Variants in CFAP44 observed in about 807,000 individuals in gnomAD.
The protein encoded by CFAP44 is cilia- and flagella-associated protein 44.
Under a neutral mutation model 216.2 loss-of-function variants are expected in CFAP44, and 134 were observed. The ratio of observed to expected loss-of-function variants is 0.62; its 90% CI spans 0.54 to 0.72. The LOEUF is 0.72. CFAP44 is among the 30% of genes least tolerant of loss of function. The pLI is 0.00. For missense variants in CFAP44, 2,035 were observed against 2,182.1 expected (o/e 0.93, Z 1.34); for synonymous variants, 700 against 727.6 (o/e 0.96, Z 0.61).
chr3:113,309,309 GAGA>G (rs1950015749), intron 28 of CFAP44, among the ~76,000 whole-genome samples: 1 of 152,112 alleles, frequency 6.6e-6, no homozygotes, highest in Admixed American at 6.5e-5. Flanking sequence ...AAACAGTCTA[GAGA>G]AGAATTACCC....
intron 6 of CFAP44, among the ~76,000 whole-genome samples, chr3:113,414,726 G>T (rs549501676): frequency 7.9e-4 from 121 of 152,278 alleles, no homozygotes; most frequent in African/African-American, 2.8e-3. Flanking sequence ...GATCATGGTG[G>T]ATACGTTTTT....
At chr3:113,411,505 A>G (rs1254707111) in intron 6 of CFAP44, among the ~76,000 whole-genome samples, 4 of 152,116 alleles carry the variant, frequency 2.6e-5, no homozygotes, top group South Asian at 2.1e-4. Context: ...ATTGGTCTAT[A>G]TATCTGTTTT....
chr3:113,327,822 G>T lies in CFAP44; in HGVS notation c.4117-3C>A. The T allele has an allele frequency of 6.5e-7, 1 of 1,535,896 alleles. No individual in the cohort carries two copies. Among genetic ancestry groups the T allele is most frequent in the Non-Finnish European group, 8.7e-7 (1 of 1,146,368 alleles). On this transcript the variant is annotated splice_polypyrimidine_tract_variant and splice_region_variant and intron_variant, in intron 26 of 34. Transcript: ENST00000393845. ...AAAGTGACAACCAGTTCTTTGATCT[G>T]AGATGGAAAAAATATTTGCGGATAC... is the stretch of plus-strand genomic sequence containing the variant.
intron 6 of CFAP44, among the ~76,000 whole-genome samples, chr3:113,413,734 C>A (rs541744875): frequency 3.3e-5 from 5 of 152,234 alleles, no homozygotes; most frequent in Admixed American, 6.5e-5. Context: ...TGTTTTGGTA[C>A]CAGTACCATG....
At chr3:113,374,671 G>A (rs1319337229) in intron 17 of CFAP44, among the ~76,000 whole-genome samples, 1 of 152,152 alleles carries the variant, frequency 6.6e-6, no homozygotes, top group Non-Finnish European at 1.5e-5. Flanking sequence ...GTCTTACTCT[G>A]TCACCCAGGC....
intron 2 of CFAP44, chr3:113,427,668 C>T (rs1388390417): frequency 5.0e-6 from 1 of 199,268 alleles, no homozygotes; most frequent in Non-Finnish European, 9.9e-6. Flanking sequence ...TTATAGGGAA[C>T]CTGTTACGTT....
chr3:113,395,874 G>C lies in CFAP44; in HGVS notation c.1780-14C>G, dbSNP rs982518256. The C allele has an allele frequency of 6.9e-6, 11 of 1,582,736 alleles. No individual in the cohort carries two copies. In the Admixed American group the frequency reaches 1.2e-4, roughly 17 times the overall value. On this transcript the variant is annotated splice_polypyrimidine_tract_variant and intron_variant, in intron 14 of 34. Transcript: ENST00000393845. The stretch of plus-strand genomic sequence containing the variant: ...TTGATCTTTACTCTAAGGAAAAAGA[G>C]ACACACCGACGAAATATATATTACT...
rs146120998 is a variant in CFAP44 at position 113,307,556 on chromosome 3, C to G, written c.4627+602G>C. The stretch of plus-strand genomic sequence containing the variant: ...TTAATTGACTTCTTATATTTATTGT[C>G]TTTCTCCACTAGACTATAAGCTCCA... On this transcript the variant is annotated intron_variant, in intron 29 of 34. Transcript: ENST00000393845. Among the ~76,000 whole-genome samples the G allele has an allele frequency of 1.6e-4, 24 of 152,318 alleles. No homozygotes were observed. In the East Asian group the frequency reaches 4.4e-3, roughly 28 times the overall value.
chr3:113,300,735 A>T (rs973745356), intron 32 of CFAP44, among the ~76,000 whole-genome samples: 3 of 152,080 alleles, frequency 2.0e-5, no homozygotes, highest in African/African-American at 7.2e-5. Flanking sequence ...TAAAGGCCCA[A>T]AGACATATAA....
At chr3:113,329,164 A>AT (rs750351856) in intron 26 of CFAP44, among the ~76,000 whole-genome samples, 2 of 152,238 alleles carry the variant, frequency 1.3e-5, no homozygotes, top group Non-Finnish European at 2.9e-5. Context: ...GACAATACTA[A>AT]TACCCATGAA....
chr3:113,431,064 T>C (rs137868746), intron 2 of CFAP44, among the ~76,000 whole-genome samples: 2 of 152,202 alleles, frequency 1.3e-5, no homozygotes, highest in African/African-American at 2.4e-5. Context: ...CAAGGACTTT[T>C]ATTCATTCTA....
chr3:113,310,313 A>G (rs534791060), intron 28 of CFAP44, among the ~76,000 whole-genome samples: 1 of 152,354 alleles, frequency 6.6e-6, no homozygotes, highest in East Asian at 1.9e-4. Flanking sequence ...ATCATTATCC[A>G]TAAGTACTTG....
intron 24 of CFAP44, among the ~76,000 whole-genome samples, chr3:113,338,867 G>A (rs1950305434): frequency 6.6e-6 from 1 of 152,156 alleles, no homozygotes; most frequent in Non-Finnish European, 1.5e-5. Context: ...GGCTGAAGCT[G>A]GATAAGGAGG....
At chr3:113,330,962 T>A (rs987763679) in intron 25 of CFAP44, among the ~76,000 whole-genome samples, 2 of 152,124 alleles carry the variant, frequency 1.3e-5, no homozygotes, top group Non-Finnish European at 2.9e-5. Flanking sequence ...TCCTCCTTTA[T>A]CACTCCATGG....
intron 22 of CFAP44, among the ~76,000 whole-genome samples, chr3:113,356,374 T>C (rs1339098415): frequency 1.3e-5 from 2 of 152,228 alleles, no homozygotes; most frequent in South Asian, 4.1e-4. Context: ...TTGTAAAAAT[T>C]GACAAGTTGA....
rs556725010 is a variant in CFAP44, at chr3:113,338,856, G to A, written c.3437+2888C>T. On this transcript the variant is annotated intron_variant, in intron 24 of 34. Transcript: ENST00000393845. ...GGATTTCTAAGAGGGGGCAAGTGAG[G>A]GGCTGAAGCTGGATAAGGAGGTCAA... Among the ~76,000 whole-genome samples the A allele has an allele frequency of 8.4e-4, 128 of 152,276 alleles. 1 individual carries two copies. Among genetic ancestry groups the A allele is most frequent in the Middle Eastern group, 3.4e-3 (1 of 294 alleles).
Position 113,287,011 on chromosome 3 carries a change from T to C in CFAP44, c.*4546A>G. The C allele has an allele frequency of 1.1e-6, 1 of 932,182 alleles. No homozygotes were observed. The highest frequency in any genetic ancestry group is 1.6e-6 in the Non-Finnish European group (1 of 609,368). The allele number at this position is 932,182 out of a possible 1,614,324, so 57.7% of individuals were successfully genotyped here. A position where few individuals can be genotyped will look rare whatever the true frequency, so the allele number is the denominator to read the frequency against. On this transcript the variant is annotated 3_prime_UTR_variant, in exon 35 of 35. Coordinates refer to ENST00000393845, the MANE Select transcript of CFAP44 (RefSeq NM_001164496.2). ...CTTGTAAATAAATGTATATGTTTTA[T>C]AATTCTGGAGAGACATAAGGAGTCC...
At chr3:113,358,502 ATATG>A (rs1409120827) in intron 22 of CFAP44, among the ~76,000 whole-genome samples, 2 of 152,146 alleles carry the variant, frequency 1.3e-5, no homozygotes, top group Admixed American at 6.5e-5. Flanking sequence ...AACAAAGTAA[ATATG>A]TATTATATAA....
At chr3:113,362,907 T>G in intron 21 of CFAP44, 1 of 1,248,738 alleles carries the variant, frequency 8.0e-7, no homozygotes, top group Non-Finnish European at 1.0e-6. Flanking sequence ...TCCTTTCATG[T>G]GTTCTATAAC....
Sources: gnomAD v4.1 joint callset for allele counts (sites outside exome capture counted in the v4.1 genomes callset) on GRCh38, gnomAD v4.1.1 for gene constraint, MANE v1.5 for transcripts, NCBI Gene and HGNC (gene_info 2026-07-23, HGNC 2026-07-21) for gene names.